The following ENOX1 variants were observed in gnomAD, a reference collection of about 807,000 sequenced individuals.
ENOX1 encodes the protein ecto-NOX disulfide-thiol exchanger 1.
ENOX1 carries 42 observed loss-of-function variants against 82.5 expected under a neutral mutation model. The ratio of observed to expected loss-of-function variants is 0.51; its 90% CI spans 0.40 to 0.66. The LOEUF is 0.66. Ranked by LOEUF, ENOX1 falls within the 30% of genes least tolerant of loss-of-function variation. The pLI, the probability that ENOX1 is intolerant of heterozygous loss-of-function variation, is 0.00. For synonymous variants in ENOX1, 271 were observed against 282.2 expected (o/e 0.96, Z 0.40); for missense variants, 608 against 811.6 (o/e 0.75, Z 3.05).
chr13:43,513,268 C>CA (rs2153677636), intron 2 of ENOX1, among the ~76,000 whole-genome samples: 1 of 152,152 alleles, frequency 6.6e-6, no homozygotes, highest in East Asian at 1.9e-4. Context: ...GAGATCACGC[C>CA]ACTGCACTCC....
At chr13:43,693,458 A>G (rs555959902) in intron 1 of ENOX1, among the ~76,000 whole-genome samples, 2 of 152,340 alleles carry the variant, frequency 1.3e-5, no homozygotes, top group South Asian at 4.1e-4. Flanking sequence ...ACAAAATACC[A>G]TAGACTGCCT....
In ENOX1 at chr13:43,556,884, A is replaced by G. The variant is rs140632074; in HGVS notation, c.-218-72732T>C. Among the ~76,000 whole-genome samples the G allele has an allele frequency of 9.2e-5, 14 of 152,388 alleles. No individual in the cohort carries two copies. The East Asian group carries it at 2.5e-3, about 27-fold the overall frequency. ...GAAGGGCTACAGTAAACTTTTATAA[A>G]GAAACCTCTATTGGCAGGGATTACC... On this transcript the variant is annotated intron_variant, in intron 2 of 16. Coordinates refer to ENST00000690772, the MANE Select transcript of ENOX1 (RefSeq NM_001347969.2).
intron 1 of ENOX1, among the ~76,000 whole-genome samples, chr13:43,751,673 T>C (rs1950329964): frequency 1.3e-5 from 2 of 152,294 alleles, no homozygotes; most frequent in Non-Finnish European, 2.9e-5. Context: ...CACAACGTAA[T>C]TATACTGAGA....
At chr13:43,776,350 A>G (rs1343123896) in intron 1 of ENOX1, among the ~76,000 whole-genome samples, 3 of 149,478 alleles carry the variant, frequency 2.0e-5, no homozygotes, top group African/African-American at 7.7e-5. Context: ...CGAGGAGGGA[A>G]TGAAGAATCA....
At chr13:43,479,696 G>A (rs2058433830) in intron 3 of ENOX1, among the ~76,000 whole-genome samples, 1 of 152,172 alleles carries the variant, frequency 6.6e-6, no homozygotes, top group Non-Finnish European at 1.5e-5. Context: ...CAATAGAATG[G>A]AAAGAGAATG....
chr13:43,706,610 A>G (rs2087307373), intron 1 of ENOX1, among the ~76,000 whole-genome samples: 1 of 152,042 alleles, frequency 6.6e-6, no homozygotes, highest in South Asian at 2.1e-4. Context: ...ACTGTATCTG[A>G]TTAACAAAAA....
At chr13:43,589,294 G>A (rs2153724164) in intron 2 of ENOX1, among the ~76,000 whole-genome samples, 1 of 150,748 alleles carries the variant, frequency 6.6e-6, no homozygotes, top group South Asian at 2.1e-4. Flanking sequence ...AATTCAACGG[G>A]TACTAGAAAC....
At chr13:43,756,068 CAT>C (rs1950624447) in intron 1 of ENOX1, among the ~76,000 whole-genome samples, 1 of 152,172 alleles carries the variant, frequency 6.6e-6, no homozygotes, top group South Asian at 2.1e-4. Flanking sequence ...TTCGGGGTGA[CAT>C]AGTGGAAAAG....
At position 43,281,293 on chromosome 13, in the gene ENOX1, T is replaced by C. The variant is rs1036868805; in HGVS notation, c.1447-11716A>G. ...ATTCTTAATACCTGCTGCTGAAATC[T>C]ATCTGGCAAAATACAATACAGCACC... is the stretch of plus-strand genomic sequence containing the variant. On this transcript the variant is annotated intron_variant, in intron 12 of 16. Transcript: ENST00000690772. Among the ~76,000 whole-genome samples, 3 of 152,320 alleles carry C rather than the reference T, an allele frequency of 2.0e-5. No individual in the cohort carries two copies. The East Asian group carries it at 5.8e-4, about 29-fold the overall frequency.
At chr13:43,727,136 G>A (rs970234168) in intron 1 of ENOX1, among the ~76,000 whole-genome samples, 16 of 152,158 alleles carry the variant, frequency 1.1e-4, no homozygotes, top group East Asian at 1.9e-4. Flanking sequence ...GCTCTTTCAC[G>A]GGGCACTTCT....
chr13:43,369,322 G>T (rs2051060676), intron 5 of ENOX1, among the ~76,000 whole-genome samples: 3 of 152,130 alleles, frequency 2.0e-5, no homozygotes, highest in Admixed American at 1.3e-4. Flanking sequence ...TGAGGTCCAG[G>T]GTTATCCACA....
At chr13:43,776,403 A>G (rs1232528445) in intron 1 of ENOX1, among the ~76,000 whole-genome samples, 1 of 152,088 alleles carries the variant, frequency 6.6e-6, no homozygotes, top group Non-Finnish European at 1.5e-5. Context: ...GAAGTTATAA[A>G]TGCAGGTAAC....
intron 2 of ENOX1, among the ~76,000 whole-genome samples, chr13:43,563,441 A>C (rs1222023294): frequency 6.6e-6 from 1 of 152,134 alleles, no homozygotes; most frequent in Non-Finnish European, 1.5e-5. Context: ...AAAACTTCAA[A>C]GAAACAACCT....
At chr13:43,464,711 G>A (rs1163131711) in intron 3 of ENOX1, among the ~76,000 whole-genome samples, 1 of 152,134 alleles carries the variant, frequency 6.6e-6, no homozygotes, top group Admixed American at 6.5e-5. Context: ...GTACGTTTGT[G>A]ACAACTAAGA....
rs192190903 is a variant in ENOX1, at chr13:43,375,099, C to T, written c.209-13647G>A. ...TCAATACACAAATGTAAATTATAGT[C>T]AGCATTTTTTCCTATTTTGGTGGCT... is the stretch of plus-strand genomic sequence containing the variant. On this transcript the variant is annotated intron_variant, in intron 5 of 16. Coordinates refer to ENST00000690772, the MANE Select transcript of ENOX1 (RefSeq NM_001347969.2). 1.2e-3 allele frequency among the ~76,000 whole-genome samples: 190 copies of T among 152,268 alleles called. 1 individual carries two copies. The highest frequency in any genetic ancestry group is 6.8e-3 in the Middle Eastern group (2 of 294).
chr13:43,595,860 T>G (rs2153728645), intron 2 of ENOX1, among the ~76,000 whole-genome samples: 1 of 152,344 alleles, frequency 6.6e-6, no homozygotes, highest in African/African-American at 2.4e-5. Context: ...TAGCCTGAAT[T>G]GGTACCCAAG....
intron 3 of ENOX1, among the ~76,000 whole-genome samples, chr13:43,477,199 T>C (rs9562493): frequency 6.7e-6 from 1 of 149,884 alleles, no homozygotes; most frequent in Admixed American, 6.7e-5. Flanking sequence ...CACATATATA[T>C]AGAGAGATTA....
chr13:43,475,794 C>CAAAAAAAAAAAAAAAAAAAAAAAAAAA (rs10624980), intron 3 of ENOX1, among the ~76,000 whole-genome samples: 2 of 70,944 alleles, frequency 2.8e-5, no homozygotes, highest in African/African-American at 6.1e-5. Context: ...CATAACTGAC[C>CAAAAAAAAAAAAAAAAAAAAAAAAAAA]AAAAAAAAAA....
intron 1 of ENOX1, among the ~76,000 whole-genome samples, chr13:43,770,409 T>C (rs561133976): frequency 1.3e-5 from 2 of 152,278 alleles, no homozygotes; most frequent in South Asian, 4.1e-4. Context: ...TAGACAATTA[T>C]AAAGAAAGAA....
Sources: allele counts gnomAD v4.1 joint callset (sites outside exome capture counted in the v4.1 genomes callset), GRCh38; gene constraint gnomAD v4.1.1; transcripts MANE v1.5; gene names NCBI Gene and HGNC (gene_info 2026-07-23, HGNC 2026-07-21).